The following PHF20L1 variants were observed in gnomAD, a reference collection of about 807,000 sequenced individuals.
PHF20L1 encodes the protein PHD finger protein 20-like protein 1.
PHF20L1 carries 44 observed loss-of-function variants against 125.5 expected under a neutral mutation model. The observed-to-expected ratio is 0.35, with a 90% CI of 0.28 to 0.45. The LOEUF is 0.45. Ranked by LOEUF, PHF20L1 falls within the 20% of genes least tolerant of loss-of-function variation. The pLI is 1.00. For synonymous variants in PHF20L1, 380 were observed against 403.1 expected (o/e 0.94, Z 0.69); for missense variants, 1,012 against 1,217.2 (o/e 0.83, Z 2.51).
At chr8:132,793,519 A>G (rs1469264) in intron 2 of PHF20L1, among the ~76,000 whole-genome samples, 95,967 of 152,020 alleles carry the variant, frequency 0.63, 30,432 homozygotes, top group Admixed American at 0.68. Flanking sequence ...GGGATAAACT[A>G]TATGGCTGAA....
Position 132,812,976 on chromosome 8 carries a change from T to C in PHF20L1, c.931-1661T>C, listed in dbSNP as rs1834561788. On this transcript the variant is annotated intron_variant, in intron 9 of 20. Transcript: ENST00000395386. ...TTAATTGTATTAGGGATATGTCATGTTATATTTACTTTTGGATAAAACTTG... is the reference window on the plus strand; with the variant it reads ...TTAATTGTATTAGGGATATGTCATGCTATATTTACTTTTGGATAAAACTTG... The C allele has an allele frequency of 3.2e-6, 3 of 939,554 alleles. No individual in the cohort carries two copies. The South Asian group carries it at 1.5e-4, about 46-fold the overall frequency. The allele number at this position is 939,554 out of a possible 1,614,324, so 58.2% of individuals were successfully genotyped here. A position where few individuals can be genotyped will look rare whatever the true frequency, so the allele number is the denominator to read the frequency against.
At chr8:132,823,194 C>T (rs1835789045) in intron 12 of PHF20L1, among the ~76,000 whole-genome samples, 1 of 151,820 alleles carries the variant, frequency 6.6e-6, no homozygotes, top group Non-Finnish European at 1.5e-5. Context: ...AAGTGGTTTG[C>T]AGAACAGTTT....
At position 132,823,494 on chromosome 8, in the gene PHF20L1, T is replaced by C. The variant is rs115954083; in HGVS notation, c.1580-510T>C. 2.9e-3 allele frequency among the ~76,000 whole-genome samples: 439 copies of C among 152,108 alleles called. 4 individuals carry two copies. The highest frequency in any genetic ancestry group is 9.9e-3 in the African/African-American group (410 of 41,558). ...CTAGAGTAGACCTTTACTGATGGCC[T>C]AGTACAGTTAACTTTTTCTTTATGG... is the stretch of plus-strand genomic sequence containing the variant. On this transcript the variant is annotated intron_variant, in intron 12 of 20. Coordinates refer to ENST00000395386, the MANE Select transcript of PHF20L1 (RefSeq NM_016018.5).
chr8:132,799,382 A>C (rs1586908708), intron 6 of PHF20L1: 1 of 424,794 alleles, frequency 2.4e-6, no homozygotes, highest in East Asian at 3.5e-5. Context: ...CATGTGATGG[A>C]AGCAGTGTAT....
At chr8:132,802,244 C>T (rs1330745819) in intron 6 of PHF20L1, among the ~76,000 whole-genome samples, 1 of 151,250 alleles carries the variant, frequency 6.6e-6, no homozygotes, top group East Asian at 1.9e-4. Context: ...CCATACTGCT[C>T]CTTGAACCTT....
chr8:132,775,552 G>GGAGGCA lies in PHF20L1; in HGVS notation c.-119_-114dup. 1 of 365,980 alleles carries GGAGGCA rather than the reference G, an allele frequency of 2.7e-6. No homozygotes were observed. The highest frequency in any genetic ancestry group is 4.9e-6 in the Non-Finnish European group (1 of 204,852). 22.7% of individuals were successfully genotyped at this position (365,980 alleles called of 1,614,324 possible). ...CTCCCTCCCCGGCCGCTGCCTGGGC[G>GGAGGCA]GAGGCAGAGGCAGAGGCCCGGGCTG... On this transcript the variant is annotated 5_prime_UTR_variant, in exon 1 of 21. Transcript: ENST00000395386.
intron 1 of PHF20L1, 107 bp downstream of exon 1, chr8:132,775,752 C>A (rs1317927128): frequency 3.7e-6 from 1 of 270,944 alleles, no homozygotes; most frequent in East Asian, 6.4e-5. Flanking sequence ...CCTCCCGCCT[C>A]CCTCCCCGTA....
chr8:132,778,998 C>G (rs563312179), intron 2 of PHF20L1, among the ~76,000 whole-genome samples: 1 of 152,192 alleles, frequency 6.6e-6, no homozygotes, highest in East Asian at 1.9e-4. Flanking sequence ...CAATGGCAGG[C>G]AGAGAAATCT....
intron 9 of PHF20L1, chr8:132,812,237 G>A: frequency 1.0e-6 from 1 of 981,508 alleles, no homozygotes; most frequent in Non-Finnish European, 1.2e-6. Context: ...ACAATATTTT[G>A]TATTTTCACC....
rs750306290 is a variant in PHF20L1 at position 132,842,781 on chromosome 8, A to T, written c.2654A>T (p.Asp885Val). Residue 885 changes from aspartate (D) to valine (V), a missense_variant, in exon 19 of 21, where the codon GAT (aspartate) becomes GTT (valine). Asp to Val is a radical substitution (Grantham distance 152). Around this residue, in one of 7 missense-constraint regions of PHF20L1, gnomAD observed 277 missense variants for 283.6 expected, o/e 0.98. Transcript: ENST00000395386. ...SLADPGSSDDDDVSSLEEEQE... is the reference protein window; with the variant it reads ...SLADPGSSDDVDVSSLEEEQE... ...GCAGACCCTGGGAGCTCAGATGATG[A>T]TGATGTTAGTAGTTTGGAAGAAGAA... The T allele has an allele frequency of 1.2e-6, 2 of 1,613,374 alleles. No homozygotes were observed. The highest frequency in any genetic ancestry group is 8.5e-7 in the Non-Finnish European group (1 of 1,179,522).
chr8:132,812,032 CG>C, intron 9 of PHF20L1: 1 of 983,356 alleles, frequency 1.0e-6, no homozygotes, highest in South Asian at 4.7e-5. Flanking sequence ...GATAACAATG[CG>C]TTGTTTTGGT....
intron 14 of PHF20L1, 23 bp from the exon 15 acceptor site, chr8:132,832,212 T>G: frequency 6.9e-7 from 1 of 1,456,068 alleles, no homozygotes; most frequent in Non-Finnish European, 9.6e-7. Flanking sequence ...TATTAATATT[T>G]CTTTCTGTAT....
At chr8:132,843,265 TTGTC>T (rs1838109320) in intron 19 of PHF20L1, 6 of 984,706 alleles carry the variant, frequency 6.1e-6, no homozygotes, top group Admixed American at 6.2e-5. Flanking sequence ...GGCACTCTAA[TTGTC>T]TGTTTAAAAA....
chr8:132,825,433 C>T, intron 14 of PHF20L1, 62 bp downstream of exon 14: 1 of 1,340,586 alleles, frequency 7.5e-7, no homozygotes. Context: ...TTTGATTCCC[C>T]TTTTCTTTTA....
chr8:132,796,056 G>T (rs1334371442), intron 4 of PHF20L1, among the ~76,000 whole-genome samples: 12 of 152,134 alleles, frequency 7.9e-5, no homozygotes, highest in Admixed American at 7.9e-4. Context: ...AACATTGAGT[G>T]ACAGCTTCTT....
intron 1 of PHF20L1, among the ~76,000 whole-genome samples, 191 bp downstream of exon 1, chr8:132,775,836 G>A (rs117727244): frequency 0.012 from 1,767 of 152,232 alleles, 14 homozygotes; most frequent in Middle Eastern, 0.051. Context: ...CGGAGGGCCG[G>A]ATGGCTGTCA....
chr8:132,839,098 A>C (rs1837666644), intron 17 of PHF20L1: 1 of 296,014 alleles, frequency 3.4e-6, no homozygotes, highest in Non-Finnish European at 6.4e-6. Context: ...TAGAGGACAG[A>C]TGATGACTAC....
intron 12 of PHF20L1, among the ~76,000 whole-genome samples, chr8:132,820,557 G>T (rs888829043): frequency 5.3e-5 from 8 of 151,874 alleles, no homozygotes; most frequent in African/African-American, 1.9e-4. Flanking sequence ...ACAAAAGATT[G>T]CCCCAAGAGG....
At chr8:132,778,514 C>T (rs1415577283) in intron 2 of PHF20L1, among the ~76,000 whole-genome samples, 1 of 152,182 alleles carries the variant, frequency 6.6e-6, no homozygotes, top group African/African-American at 2.4e-5. Context: ...TTGTGTGTCT[C>T]CCCCTATTCT....
Sources: allele counts gnomAD v4.1 joint callset (sites outside exome capture counted in the v4.1 genomes callset), GRCh38; gene constraint gnomAD v4.1.1; regional missense constraint gnomAD v4.1.1; transcripts MANE v1.5; gene names NCBI Gene and HGNC (gene_info 2026-07-23, HGNC 2026-07-21).